ERICH2: variants seen among roughly 807,000 people sequenced by gnomAD.
ERICH2 encodes the protein glutamate rich 2.
A neutral mutation model predicts 17.4 loss-of-function variants in ERICH2; 17 were observed. That is an observed-to-expected ratio of 0.98 (90% CI 0.67 to 1.47). The LOEUF is 1.47. ERICH2 is among the 40% of genes most tolerant of loss of function. The pLI, the probability that ERICH2 is intolerant of heterozygous loss-of-function variation, is 0.00. For missense variants in ERICH2, 186 were observed against 183.2 expected, an observed-to-expected ratio of 1.01 and a Z score of -0.09; for synonymous variants, 51 against 61.1, an observed-to-expected ratio of 0.83 and a Z score of 0.77.
chr2:170,787,114 G>A (rs1214349722), intron 2 of ERICH2, among the ~76,000 whole-genome samples: 1 of 151,984 alleles, frequency 6.6e-6, no homozygotes, highest in African/African-American at 2.4e-5. Flanking sequence ...CTACTCACAG[G>A]CATGATCATG....
chr2:170,794,386 G>C (rs1488230436), intron 3 of ERICH2, among the ~76,000 whole-genome samples: 1 of 151,838 alleles, frequency 6.6e-6, no homozygotes, highest in Admixed American at 6.6e-5. Flanking sequence ...GGGATTACAG[G>C]GTGAGCCATA....
chr2:170,796,440 G>GA (rs1553569093), intron 3 of ERICH2, among the ~76,000 whole-genome samples: 5 of 83,468 alleles, frequency 6.0e-5, no homozygotes, highest in African/African-American at 1.9e-4. Flanking sequence ...TTTTTTTTTT[G>GA]TTTTTTTTTT....
chr2:170,775,425 C>G, the ERICH2 span, among the ~76,000 whole-genome samples: 17 of 151,898 alleles, frequency 1.1e-4, no homozygotes, highest in Non-Finnish European at 2.4e-4. Flanking sequence ...GAGCGAGACT[C>G]TGTCTCAAAA....
the ERICH2 span, among the ~76,000 whole-genome samples, chr2:170,772,090 TAAC>T: frequency 2.0e-4 from 30 of 152,258 alleles, no homozygotes; most frequent in East Asian, 4.8e-3. Flanking sequence ...AGAACAATAA[TAAC>T]AATAACATTT....
At chr2:170,777,693 C>T in the ERICH2 span, 2 of 1,232,508 alleles carry the variant, frequency 1.6e-6, no homozygotes, top group Non-Finnish European at 1.0e-6. Context: ...AAGAAGATGT[C>T]TTTGATTGTG....
chr2:170,774,683 T>G, the ERICH2 span, among the ~76,000 whole-genome samples: 1 of 151,496 alleles, frequency 6.6e-6, no homozygotes, highest in Non-Finnish European at 1.5e-5. Flanking sequence ...GCAGTTCTCC[T>G]GCCTCAGCCT....
intron 3 of ERICH2, among the ~76,000 whole-genome samples, chr2:170,795,052 G>A (rs1419897760): frequency 6.6e-6 from 1 of 152,066 alleles, no homozygotes; most frequent in East Asian, 1.9e-4. Context: ...CACAATGTCA[G>A]CCACTGCAGT....
the ERICH2 span, among the ~76,000 whole-genome samples, chr2:170,772,250 A>G: frequency 6.6e-6 from 1 of 152,118 alleles, no homozygotes; most frequent in Admixed American, 6.5e-5. Context: ...TGCCCCATCC[A>G]GTTTCGGCGT....
chr2:170,777,380 G>T, the ERICH2 span: 3 of 1,136,322 alleles, frequency 2.6e-6, no homozygotes, highest in Non-Finnish European at 3.2e-6. Flanking sequence ...ATTTTAGACA[G>T]CAAAGAACAA....
chr2:170,774,344 TTCAACAGTG>T, the ERICH2 span, among the ~76,000 whole-genome samples: 1 of 152,178 alleles, frequency 6.6e-6, no homozygotes, highest in African/African-American at 2.4e-5. Context: ...ATTGAATTGT[TTCAACAGTG>T]TCCTTCCTAT....
chr2:170,779,912 T>G (rs1053413359), upstream of ERICH2: 2 of 794,758 alleles, frequency 2.5e-6, no homozygotes, highest in African/African-American at 3.7e-5. Context: ...AATTTTGTTT[T>G]TAGGCCCATG....
intron 2 of ERICH2, among the ~76,000 whole-genome samples, chr2:170,788,276 C>T (rs967587589): frequency 6.6e-6 from 1 of 152,144 alleles, no homozygotes; most frequent in Non-Finnish European, 1.5e-5. Context: ...TTCAATGACC[C>T]TATCTACCAT....
chr2:170,792,348 C>T (rs2105714494), intron 2 of ERICH2, among the ~76,000 whole-genome samples: 1 of 151,966 alleles, frequency 6.6e-6, no homozygotes, highest in Admixed American at 6.6e-5. Flanking sequence ...GTGTATTTAG[C>T]TTTTAAATTT....
the ERICH2 span, chr2:170,777,487 A>C: frequency 9.0e-7 from 1 of 1,117,306 alleles, no homozygotes; most frequent in African/African-American, 1.6e-5. Flanking sequence ...AATAGTAAGA[A>C]GACTATTGGA....
At chr2:170,794,105 CTTTTTTTTTTTT>C (rs59152667) in intron 3 of ERICH2, among the ~76,000 whole-genome samples, 2 of 88,170 alleles carry the variant, frequency 2.3e-5, no homozygotes, top group East Asian at 7.0e-4. Flanking sequence ...TCCTTTCTTT[CTTTTTTTTTTTT>C]TTTTTTTTTG....
chr2:170,782,744 T>C (rs964596834), upstream of ERICH2, among the ~76,000 whole-genome samples: 22 of 152,324 alleles, frequency 1.4e-4, no homozygotes, highest in Admixed American at 3.9e-4. Flanking sequence ...CTTGTCCTTA[T>C]AAAGTTTACA....
At chr2:170,791,187 C>T (rs1357217872) in intron 2 of ERICH2, among the ~76,000 whole-genome samples, 2 of 152,002 alleles carry the variant, frequency 1.3e-5, no homozygotes, top group African/African-American at 4.8e-5. Flanking sequence ...AATTCTATTG[C>T]ATGAGTTGAA....
chr2:170,776,552 A>G, the ERICH2 span, among the ~76,000 whole-genome samples: 1 of 151,970 alleles, frequency 6.6e-6, no homozygotes, highest in Non-Finnish European at 1.5e-5. Flanking sequence ...TAATTTTTGT[A>G]TTTTTAGTAG....
At chr2:170,798,919 C>G in exon 5 of ERICH2, 1 of 1,549,434 alleles carries the variant, frequency 6.5e-7, no homozygotes. Flanking sequence ...CTTGAAGCTT[C>G]ATGTATTTTC....
Sources: gnomAD v4.1 joint callset for allele counts (sites outside exome capture counted in the v4.1 genomes callset) on GRCh38, gnomAD v4.1.1 for gene constraint, MANE v1.5 for transcripts, NCBI Gene and HGNC (gene_info 2026-07-23, HGNC 2026-07-21) for gene names.